The following UNKL variants were observed in gnomAD, a reference collection of about 807,000 sequenced individuals.
The protein encoded by UNKL is unk like zinc finger.
Under a neutral mutation model 78.0 loss-of-function variants are expected in UNKL, and 60 were observed. That is an observed-to-expected ratio of 0.77 (90% CI 0.63 to 0.95). The LOEUF (loss-of-function observed/expected upper bound fraction) is 0.95, where lower values mean the gene tolerates loss of function less well. Ranked by LOEUF, UNKL falls within the 40% of genes least tolerant of loss-of-function variation. The pLI is 0.00. For synonymous variants in UNKL, 608 were observed against 474.8 expected, an observed-to-expected ratio of 1.28 and a Z score of -3.65; for missense variants, 1,159 against 1,045.7, an observed-to-expected ratio of 1.11 and a Z score of -1.49.
At chr16:1,401,783 C>A in intron 3 of UNKL, 82 bp from the exon 4 acceptor site, 1 of 1,515,122 alleles carries the variant, frequency 6.6e-7, no homozygotes, top group South Asian at 1.2e-5. Context: ...GGCACGCTCC[C>A]CTCCCACCAC....
chr16:1,387,014 C>T lies in UNKL; in HGVS notation c.1087-1629G>A, dbSNP rs559846011. Among the ~76,000 whole-genome samples, 12 of 152,192 alleles carry T rather than the reference C, an allele frequency of 7.9e-5. No individual in the cohort carries two copies. Among genetic ancestry groups the T allele is most frequent in the Non-Finnish European group, 1.8e-4 (12 of 68,034 alleles). On this transcript the variant is annotated intron_variant, in intron 9 of 14. Coordinates refer to ENST00000389221, the MANE Select transcript of UNKL (RefSeq NM_001372107.1). The surrounding 1 kb of genome is among the most constrained non-coding windows in gnomAD (Gnocchi z 4.1). ...TTTCCTCAAGCCATGAAAAAACGGA[C>T]CACAGTCCACCCCGTGAGCATCAGG...
intron 4 of UNKL, 45 bp downstream of exon 4, chr16:1,401,523 G>GGCCGCC: frequency 6.8e-7 from 1 of 1,470,348 alleles, no homozygotes. Flanking sequence ...CTCGCGCTGT[G>GGCCGCC]CCCGCCCCCC....
intron 2 of UNKL, among the ~76,000 whole-genome samples, chr16:1,406,337 C>T (rs537178649): frequency 3.3e-5 from 5 of 152,168 alleles, no homozygotes; most frequent in African/African-American, 1.2e-4. Context: ...CTCAGCCTCC[C>T]GAGTAACTGG....
rs985975232 is a variant in UNKL, at chr16:1,393,073, A to G, written c.938-97T>C. On this transcript the variant is annotated intron_variant, in intron 7 of 14. Coordinates refer to ENST00000389221, the MANE Select transcript of UNKL (RefSeq NM_001372107.1). ...CCACACGTCAGGGCCGAGTGTGCGC[A>G]GCCTCGTCACAATCATCCCTCAGGG... 1.1e-4 allele frequency: 140 copies of G among 1,280,954 alleles called. 2 individuals are homozygous for G. The East Asian group carries it at 3.4e-3, about 31-fold the overall frequency. The allele number at this position is 1,280,954 out of a possible 1,614,324, so 79.3% of individuals were successfully genotyped here. A position where few individuals can be genotyped will look rare whatever the true frequency, so the allele number is the denominator to read the frequency against.
At chr16:1,409,611 G>C (rs910905103) in intron 2 of UNKL, among the ~76,000 whole-genome samples, 8 of 152,132 alleles carry the variant, frequency 5.3e-5, no homozygotes, top group African/African-American at 1.9e-4. Context: ...AAGCCATTCA[G>C]ACAGCAGGCT....
chr16:1,407,851 A>G (rs2037838330), intron 2 of UNKL, among the ~76,000 whole-genome samples: 1 of 152,096 alleles, frequency 6.6e-6, no homozygotes, highest in African/African-American at 2.4e-5. Context: ...GGGCTGGCAG[A>G]TGGCCACTCG....
At chr16:1,388,176 C>T (rs2036898526) in intron 9 of UNKL, among the ~76,000 whole-genome samples, 5 of 152,214 alleles carry the variant, frequency 3.3e-5, no homozygotes, top group Admixed American at 2.6e-4. Flanking sequence ...CGCCCTGGGT[C>T]GGACAGGGAG....
Position 1,364,472 on chromosome 16 carries a change from C to T in UNKL, c.*1768G>A, listed in dbSNP as rs938356209. On this transcript the variant is annotated 3_prime_UTR_variant, in exon 15 of 15. Transcript: ENST00000389221. ...CCCACTCGTGTGCCCTCACCACCCA[C>T]GTGGCCCGCGGAGAGCCAGGTCGCC... 3.9e-5 allele frequency: 6 copies of T among 152,268 alleles called. No homozygotes were observed. Among genetic ancestry groups the T allele is most frequent in the Admixed American group, 2.6e-4 (4 of 15,292 alleles). 9.4% of individuals were successfully genotyped at this position (152,268 alleles called of 1,614,324 possible).
chr16:1,383,067 G>A (rs201525852), intron 10 of UNKL, among the ~76,000 whole-genome samples: 1 of 149,832 alleles, frequency 6.7e-6, no homozygotes, highest in Non-Finnish European at 1.5e-5. Context: ...AGACCAGGCT[G>A]GCCAATATGG....
chr16:1,398,689 A>AC lies in UNKL; in HGVS notation c.734+684dup. 4.9e-6 allele frequency: 2 copies of AC among 405,308 alleles called. 1 individual carries two copies. The highest frequency in any genetic ancestry group is 2.6e-4 in the East Asian group (2 of 7,602). 25.1% of individuals were successfully genotyped at this position (405,308 alleles called of 1,614,324 possible). ...CACCCTGTGGGGTCTGCACCCCCCC[A>AC]CCCCCCTCTCAGGTGCAAACTGCAG... On this transcript the variant is annotated intron_variant, in intron 5 of 14. Transcript: ENST00000389221.
Position 1,385,362 on chromosome 16 carries a change from C to T in UNKL, c.1110G>A (p.Ala370=), listed in dbSNP as rs752481903. 9 of 1,410,450 alleles carry T rather than the reference C, an allele frequency of 6.4e-6. No individual in the cohort carries two copies. The highest frequency in any genetic ancestry group is 3.0e-5 in the East Asian group (1 of 33,250). 87.4% of individuals were successfully genotyped at this position (1,410,450 alleles called of 1,614,324 possible). ...TCACGCTGGGGGCCGGCGGGTGGAC[C>T]GCTGCAAACACGGCCAGGTGGTTCT... ...SKQNHLAVFA[A]VHPPAPSVSS... The change falls in exon 10 of 15, where the codon GCG becomes GCA. Residue 370 remains alanine, a synonymous_variant. Coordinates refer to ENST00000389221, the MANE Select transcript of UNKL (RefSeq NM_001372107.1).
Position 1,413,868 on chromosome 16 carries a change from C to T in UNKL, c.265G>A (p.Gly89Ser). Residue 89 changes from glycine to serine, a missense_variant, in exon 2 of 15, where the codon GGC (glycine) becomes AGC (serine). Physicochemically the swap from Gly to Ser is moderately conservative, Grantham distance 56. Coordinates refer to ENST00000389221, the MANE Select transcript of UNKL (RefSeq NM_001372107.1). ...VYCSKYNEAT[G>S]VCPDGDECPY... ...TACTCGTCGCCGTCGGGGCACACGCCGGTGGCTTCGTTGTACTTGGAGCAG... is the reference window on the plus strand; with the variant it reads ...TACTCGTCGCCGTCGGGGCACACGCTGGTGGCTTCGTTGTACTTGGAGCAG... The T allele has an allele frequency of 6.5e-7, 1 of 1,531,350 alleles. No homozygotes were observed. The highest frequency in any genetic ancestry group is 8.8e-7 in the Non-Finnish European group (1 of 1,130,938). The allele number at this position is 1,531,350 out of a possible 1,614,324, so 94.9% of individuals were successfully genotyped here.
chr16:1,370,579 G>A (rs1179229655), intron 11 of UNKL, among the ~76,000 whole-genome samples: 1 of 152,188 alleles, frequency 6.6e-6, no homozygotes, highest in Non-Finnish European at 1.5e-5. Flanking sequence ...TGGGCTCAAA[G>A]GGATTCCAAC....
intron 3 of UNKL, among the ~76,000 whole-genome samples, 169 bp downstream of exon 3, chr16:1,402,998 AG>A (rs2037596953): frequency 6.6e-6 from 1 of 152,186 alleles, no homozygotes; most frequent in Admixed American, 6.6e-5. Context: ...TCTCAAAAAA[AG>A]CAAAAAAAGG....
At chr16:1,393,245 C>A (rs139825606) in intron 7 of UNKL, among the ~76,000 whole-genome samples, 1 of 152,190 alleles carries the variant, frequency 6.6e-6, no homozygotes, top group Non-Finnish European at 1.5e-5. Context: ...AAATAAAAAA[C>A]AAAGGAAAAT....
Position 1,397,158 on chromosome 16 carries a change from G to C in UNKL, c.852+20C>G. 1.9e-6 allele frequency: 3 copies of C among 1,543,672 alleles called. No homozygotes were observed. The highest frequency in any genetic ancestry group is 1.2e-5 in the South Asian group (1 of 83,924). On this transcript the variant is annotated intron_variant, in intron 6 of 14. Transcript: ENST00000389221. ...GGACCTTCCAGCGACCCCTACGCCT[G>C]GGGGGTTGGAGGGACGTACCTCGGG... is the stretch of plus-strand genomic sequence containing the variant.
At chr16:1,374,972 G>A (rs370043355) in intron 10 of UNKL, among the ~76,000 whole-genome samples, 142 of 152,308 alleles carry the variant, frequency 9.3e-4, no homozygotes, top group Middle Eastern at 3.4e-3. Context: ...CACAGCTGTG[G>A]GGCACGTGGC....
intron 6 of UNKL, chr16:1,396,965 G>C (rs2037293224): frequency 1.8e-6 from 1 of 569,250 alleles, no homozygotes; most frequent in African/African-American, 1.9e-5. Context: ...GCCAAGTGGA[G>C]AGACTCGCTG....
intron 5 of UNKL, among the ~76,000 whole-genome samples, 195 bp from the exon 6 acceptor site, chr16:1,397,490 GGAGGACACA>G (rs1422503546): frequency 1.2e-5 from 1 of 83,254 alleles, no homozygotes; most frequent in African/African-American, 4.6e-5. Context: ...GGAGGTGTCA[GGAGGACACA>G]GAGGACTTGG....
Sources: gnomAD v4.1 joint callset for allele counts (sites outside exome capture counted in the v4.1 genomes callset) on GRCh38, gnomAD v4.1.1 for gene constraint, Gnocchi (gnomAD v3.1) non-coding constraint, MANE v1.5 for transcripts, NCBI Gene and HGNC (gene_info 2026-07-23, HGNC 2026-07-21) for gene names.